Variants in EXT1 observed in about 807,000 individuals in gnomAD.
The protein encoded by EXT1 is exostosin-1.
Under a neutral mutation model 82.5 loss-of-function variants are expected in EXT1, and 20 were observed. The ratio of observed to expected loss-of-function variants is 0.24; its 90% confidence interval spans 0.17 to 0.35. EXT1 has a LOEUF of 0.35. EXT1 is among the 10% of genes least tolerant of loss of function. The probability of loss-of-function intolerance (pLI) is 1.00; values close to 1 mark genes in which losing one functional copy is unlikely to be tolerated. For missense variants in EXT1, 757 were observed against 936.5 expected (o/e 0.81, Z 2.50); for synonymous variants, 348 against 350.8 (o/e 0.99, Z 0.09).
intron 1 of EXT1, among the ~76,000 whole-genome samples, chr8:118,055,833 A>G (rs1437787436): frequency 6.6e-6 from 1 of 152,220 alleles, no homozygotes; most frequent in Non-Finnish European, 1.5e-5. Context: ...CTTAACATCT[A>G]TTATGAAAAA....
At chr8:117,878,970 T>G (rs1303299025) in intron 1 of EXT1, among the ~76,000 whole-genome samples, 1 of 152,226 alleles carries the variant, frequency 6.6e-6, no homozygotes, top group Non-Finnish European at 1.5e-5. Context: ...CGTTACTGTT[T>G]TCATGGCAGA....
At chr8:118,080,957 G>A (rs781749281) in intron 1 of EXT1, among the ~76,000 whole-genome samples, 5 of 152,110 alleles carry the variant, frequency 3.3e-5, no homozygotes, top group Middle Eastern at 3.2e-3. Flanking sequence ...TAACTCTTTT[G>A]GAGGGCTAGG....
At chr8:117,993,600 A>G (rs906376830) in intron 1 of EXT1, among the ~76,000 whole-genome samples, 28 of 152,248 alleles carry the variant, frequency 1.8e-4, no homozygotes, top group African/African-American at 6.5e-4. Context: ...ATTATTACAC[A>G]GAACAACACC....
intron 1 of EXT1, among the ~76,000 whole-genome samples, chr8:117,922,237 G>C (rs988030171): frequency 2.0e-5 from 3 of 152,124 alleles, no homozygotes; most frequent in African/African-American, 7.2e-5. Context: ...AAACGAGAAA[G>C]GGGGTACCTC....
intron 3 of EXT1, among the ~76,000 whole-genome samples, chr8:117,832,070 C>T (rs1489219219): frequency 6.6e-6 from 1 of 152,116 alleles, no homozygotes; most frequent in East Asian, 1.9e-4. Context: ...TTTTTAGTTA[C>T]TCACTGAGAA....
intron 5 of EXT1, among the ~76,000 whole-genome samples, chr8:117,820,512 A>C (rs1811905363): frequency 1.3e-5 from 2 of 152,130 alleles, no homozygotes; most frequent in South Asian, 4.1e-4. Flanking sequence ...AACATGGTGA[A>C]ATTCCGTCAC....
At chr8:117,951,298 C>A (rs1814486715) in intron 1 of EXT1, among the ~76,000 whole-genome samples, 2 of 152,222 alleles carry the variant, frequency 1.3e-5, no homozygotes, top group Non-Finnish European at 2.9e-5. Flanking sequence ...CTATCTTTCA[C>A]ATGTTATACA....
intron 1 of EXT1, among the ~76,000 whole-genome samples, chr8:117,869,149 A>T (rs1246072823): frequency 6.6e-6 from 1 of 151,984 alleles, no homozygotes; most frequent in Non-Finnish European, 1.5e-5. Context: ...TTCTCTCCAG[A>T]CCCATGTCCT....
At chr8:118,090,859 T>C (rs966151128) in intron 1 of EXT1, among the ~76,000 whole-genome samples, 7 of 144,298 alleles carry the variant, frequency 4.9e-5, no homozygotes, top group Admixed American at 3.5e-4. Flanking sequence ...GTGAATCCTG[T>C]ATACACAGGT....
At chr8:118,030,043 G>T (rs1816278537) in intron 1 of EXT1, among the ~76,000 whole-genome samples, 2 of 152,054 alleles carry the variant, frequency 1.3e-5, no homozygotes, top group African/African-American at 4.8e-5. Context: ...AAATTCCCAG[G>T]GATATCTCTC....
chr8:118,091,393 T>TAA (rs1353497953), intron 1 of EXT1, among the ~76,000 whole-genome samples: 1 of 152,224 alleles, frequency 6.6e-6, no homozygotes, highest in Non-Finnish European at 1.5e-5. Context: ...TATGGATATA[T>TAA]ACCTTCTAAA....
intron 1 of EXT1, among the ~76,000 whole-genome samples, chr8:118,097,487 G>T (rs1358722665): frequency 6.6e-6 from 1 of 152,014 alleles, no homozygotes; most frequent in Admixed American, 6.6e-5. Context: ...ATAAAATCTG[G>T]AACTTCATCC....
intron 1 of EXT1, among the ~76,000 whole-genome samples, chr8:117,911,780 A>G (rs1401324989): frequency 6.6e-6 from 1 of 152,198 alleles, no homozygotes; most frequent in African/African-American, 2.4e-5. Flanking sequence ...TGCTGCAAAT[A>G]TTGTTTCAAT....
intron 1 of EXT1, among the ~76,000 whole-genome samples, chr8:117,855,303 C>G (rs1416357921): frequency 1.3e-5 from 2 of 152,198 alleles, no homozygotes; most frequent in East Asian, 3.8e-4. Context: ...TCTATGGCAA[C>G]CCTAAGCAAG....
intron 1 of EXT1, among the ~76,000 whole-genome samples, chr8:118,027,019 T>C (rs10111450): frequency 0.031 from 4,765 of 152,168 alleles, 250 homozygotes; most frequent in African/African-American, 0.11. Context: ...GGCAGGAGGA[T>C]TGCCTGAGCC....
chr8:117,879,147 T>C (rs1342430488), intron 1 of EXT1, among the ~76,000 whole-genome samples: 1 of 152,074 alleles, frequency 6.6e-6, no homozygotes, highest in Non-Finnish European at 1.5e-5. Flanking sequence ...AACAAAACAC[T>C]CAGTGATGAA....
At chr8:117,935,910 C>T (rs184154818) in intron 1 of EXT1, among the ~76,000 whole-genome samples, 138 of 152,122 alleles carry the variant, frequency 9.1e-4, no homozygotes, top group African/African-American at 3.1e-3. Flanking sequence ...ATATTCAAAG[C>T]TCCCTGGTCC....
intron 1 of EXT1, among the ~76,000 whole-genome samples, chr8:118,045,992 C>A (rs1189093959): frequency 6.6e-6 from 1 of 152,000 alleles, no homozygotes; most frequent in Non-Finnish European, 1.5e-5. Flanking sequence ...GACAGGGTTT[C>A]ACCATGTTGG....
chr8:117,935,746 A>T (rs567884860), intron 1 of EXT1, among the ~76,000 whole-genome samples: 103 of 152,228 alleles, frequency 6.8e-4, no homozygotes, highest in African/African-American at 2.3e-3. Flanking sequence ...ATTTCTGTAA[A>T]ATTATTATTT....
Sources: gnomAD v4.1 joint callset for allele counts (sites outside exome capture counted in the v4.1 genomes callset) on GRCh38, gnomAD v4.1.1 for gene constraint, MANE v1.5 for transcripts, NCBI Gene and HGNC (gene_info 2026-07-23, HGNC 2026-07-21) for gene names.